PDE1A: variants seen among roughly 807,000 people sequenced by gnomAD.
The protein encoded by PDE1A is phosphodiesterase 1A.
A neutral mutation model predicts 61.7 loss-of-function variants in PDE1A; 35 were observed. The ratio of observed to expected loss-of-function variants is 0.57; its 90% CI spans 0.43 to 0.75. The LOEUF is 0.75. Ranked by LOEUF, PDE1A falls within the 30% of genes least tolerant of loss-of-function variation. The pLI is 0.00. For missense variants in PDE1A, 597 were observed against 630.6 expected (o/e 0.95, Z 0.57); for synonymous variants, 232 against 213.2 (o/e 1.09, Z -0.77).
At chr2:182,304,535 G>A (rs760341533) in intron 1 of PDE1A, among the ~76,000 whole-genome samples, 3 of 152,096 alleles carry the variant, frequency 2.0e-5, no homozygotes, top group Non-Finnish European at 2.9e-5. Context: ...TGCCTTCCTC[G>A]TTAAACTTAA....
chr2:182,433,478 C>T (rs960462357), intron 2 of PDE1A, among the ~76,000 whole-genome samples: 2 of 152,066 alleles, frequency 1.3e-5, no homozygotes, highest in Non-Finnish European at 2.9e-5. Context: ...TTCAAGTCTA[C>T]AGCCCTTGAT....
the PDE1A span, among the ~76,000 whole-genome samples, chr2:182,681,158 T>G: frequency 0.014 from 2,111 of 145,744 alleles, 27 homozygotes; most frequent in Non-Finnish European, 0.021. Flanking sequence ...GTTTTTTTTG[T>G]TTTTTTTTTT....
intron 4 of PDE1A, among the ~76,000 whole-genome samples, chr2:182,234,082 C>T (rs1380477227): frequency 6.6e-6 from 1 of 152,040 alleles, no homozygotes; most frequent in Non-Finnish European, 1.5e-5. Flanking sequence ...GCATTTAACT[C>T]TTCCATAATA....
At chr2:182,542,579 T>G in the PDE1A span, among the ~76,000 whole-genome samples, 1 of 152,204 alleles carries the variant, frequency 6.6e-6, no homozygotes, top group South Asian at 2.1e-4. Flanking sequence ...TTTTTAAATT[T>G]TTTATAAATC....
the PDE1A span, among the ~76,000 whole-genome samples, chr2:182,681,034 C>T: frequency 6.6e-6 from 1 of 152,262 alleles, no homozygotes; most frequent in East Asian, 1.9e-4. Context: ...GATAAACTGT[C>T]ATGGGGCTGA....
At chr2:182,560,981 GA>G in the PDE1A span, among the ~76,000 whole-genome samples, 2 of 150,074 alleles carry the variant, frequency 1.3e-5, no homozygotes, top group South Asian at 4.4e-4. Flanking sequence ...AGTTGGTTGC[GA>G]AAATTTTCTC....
chr2:182,580,198 T>G, the PDE1A span, among the ~76,000 whole-genome samples: 7 of 152,172 alleles, frequency 4.6e-5, no homozygotes, highest in East Asian at 1.9e-4. Context: ...TAACCCTCAG[T>G]ACCTCAGAAT....
chr2:182,528,573 A>G, the PDE1A span, among the ~76,000 whole-genome samples: 3 of 152,250 alleles, frequency 2.0e-5, no homozygotes, highest in Admixed American at 6.5e-5. Context: ...AGAAATTTGC[A>G]TAAGTAATGA....
chr2:182,688,206 A>G, the PDE1A span, among the ~76,000 whole-genome samples: 1 of 152,202 alleles, frequency 6.6e-6, no homozygotes, highest in Non-Finnish European at 1.5e-5. Flanking sequence ...TGAGAAGAGC[A>G]ACTCCAAGAC....
At chr2:182,158,522 T>C (rs1017984288) in intron 13 of PDE1A, among the ~76,000 whole-genome samples, 4 of 152,216 alleles carry the variant, frequency 2.6e-5, no homozygotes, top group Non-Finnish European at 4.4e-5. Context: ...TCATCTAAGA[T>C]GGAAGGGTAA....
At chr2:182,411,320 T>C (rs1439517097) in intron 1 of PDE1A, among the ~76,000 whole-genome samples, 1 of 152,262 alleles carries the variant, frequency 6.6e-6, no homozygotes, top group Non-Finnish European at 1.5e-5. Flanking sequence ...TTGCGATATT[T>C]GCACACACTG....
chr2:182,335,326 A>G (rs1409125223), intron 1 of PDE1A, among the ~76,000 whole-genome samples: 1 of 152,200 alleles, frequency 6.6e-6, no homozygotes, highest in African/African-American at 2.4e-5. Context: ...CTAAGCAAAA[A>G]GAACAAAGCT....
chr2:182,699,439 T>C, the PDE1A span, among the ~76,000 whole-genome samples: 1 of 152,230 alleles, frequency 6.6e-6, no homozygotes. Context: ...GCACTGGTGA[T>C]TTTGATACCA....
the PDE1A span, among the ~76,000 whole-genome samples, chr2:182,562,539 G>A: frequency 4.9e-4 from 74 of 152,024 alleles, 1 homozygote; most frequent in African/African-American, 1.4e-3. Context: ...GTCTCTGCCC[G>A]GCTTTGGTAT....
chr2:182,596,434 T>G, the PDE1A span, among the ~76,000 whole-genome samples: 1 of 152,182 alleles, frequency 6.6e-6, no homozygotes, highest in Non-Finnish European at 1.5e-5. Flanking sequence ...TTGCAGAGTC[T>G]TAAAAGTGCC....
At chr2:182,388,970 C>T (rs1299087457) in intron 1 of PDE1A, among the ~76,000 whole-genome samples, 2 of 151,938 alleles carry the variant, frequency 1.3e-5, no homozygotes, top group African/African-American at 2.4e-5. Context: ...ACTGATAAAG[C>T]AGACATACAA....
chr2:182,433,853 T>G (rs1574648067), intron 2 of PDE1A, among the ~76,000 whole-genome samples: 1 of 152,078 alleles, frequency 6.6e-6, no homozygotes, highest in Admixed American at 6.6e-5. Context: ...CACGCTCTTA[T>G]CCTGCTGTTT....
At chr2:182,441,846 T>C (rs1246600607) in intron 2 of PDE1A, among the ~76,000 whole-genome samples, 1 of 152,068 alleles carries the variant, frequency 6.6e-6, no homozygotes, top group Non-Finnish European at 1.5e-5. Context: ...TAAATAATGA[T>C]AGCAATGTTT....
intron 1 of PDE1A, among the ~76,000 whole-genome samples, chr2:182,334,315 AAAAG>A (rs1163494390): frequency 1.3e-5 from 2 of 151,822 alleles, no homozygotes; most frequent in African/African-American, 2.4e-5. Flanking sequence ...CACCAAAAAA[AAAAG>A]AAAGAAAGAA....
Sources: gnomAD v4.1 joint callset for allele counts (sites outside exome capture counted in the v4.1 genomes callset) on GRCh38, gnomAD v4.1.1 for gene constraint, MANE v1.5 for transcripts, NCBI Gene and HGNC (gene_info 2026-07-23, HGNC 2026-07-21) for gene names.